The following ATRNL1 variants were observed in gnomAD, a reference collection of about 807,000 sequenced individuals.
The protein encoded by ATRNL1 is attractin-like protein 1.
In ATRNL1, 95 loss-of-function variants were observed where a neutral mutation model predicts 182.7. That is an observed-to-expected ratio of 0.52 (90% confidence interval 0.44 to 0.62). ATRNL1 has a LOEUF of 0.62. ATRNL1 is among the 20% of genes least tolerant of loss of function. ATRNL1 has a pLI of 0.00. For synonymous variants in ATRNL1, 576 were observed against 568.3 expected (o/e 1.01, Z -0.19); for missense variants, 1,471 against 1,679.5 (o/e 0.88, Z 2.17).
chr10:115,695,903 C>CT lies in ATRNL1; in HGVS notation c.3796-31332dup, dbSNP rs782085382. On this transcript the variant is annotated intron_variant, in intron 26 of 28. Transcript: ENST00000355044. ...CCATGGTGTATATGTACAACATTTTCTTTTTTTTTTTTTGAGATGGAGTCT... is the reference window on the plus strand; with the variant it reads ...CCATGGTGTATATGTACAACATTTTCTTTTTTTTTTTTTTGAGATGGAGTCT... 6.6e-3 allele frequency among the ~76,000 whole-genome samples: 945 copies of CT among 143,136 alleles called. 5 individuals are homozygous for CT. Among genetic ancestry groups the CT allele is most frequent in the South Asian group, 0.019 (87 of 4,492 alleles). The allele number at this position is 143,136 out of a possible 152,430, so 93.9% of individuals were successfully genotyped here. A position where few individuals can be genotyped will look rare whatever the true frequency, so the allele number is the denominator to read the frequency against.
intron 26 of ATRNL1, among the ~76,000 whole-genome samples, chr10:115,604,480 G>C (rs1344091254): frequency 6.6e-6 from 1 of 152,136 alleles, no homozygotes; most frequent in Non-Finnish European, 1.5e-5. Context: ...CAAGTCACCA[G>C]TTTTTGGTAA....
Position 115,734,326 on chromosome 10 carries a change from A to G in ATRNL1, c.3903+6971A>G, listed in dbSNP as rs185514706. 1.2e-3 allele frequency among the ~76,000 whole-genome samples: 180 copies of G among 152,278 alleles called. 1 individual carries two copies. Among genetic ancestry groups the G allele is most frequent in the African/African-American group, 4.1e-3 (171 of 41,580 alleles). On this transcript the variant is annotated intron_variant, in intron 27 of 28. Transcript: ENST00000355044. Reference sequence around the variant, plus strand: ...TTTCTATTTTCATGCATCCTTGTCAAAAATGATTGTTGGTGTTTTTGCAAC... The same window carrying G: ...TTTCTATTTTCATGCATCCTTGTCAGAAATGATTGTTGGTGTTTTTGCAAC...
chr10:115,596,769 T>C (rs1037041534), intron 26 of ATRNL1, among the ~76,000 whole-genome samples: 8 of 152,192 alleles, frequency 5.3e-5, no homozygotes, highest in Admixed American at 1.3e-4. Flanking sequence ...TAAGGTAATA[T>C]GAGAGTATTA....
intron 26 of ATRNL1, among the ~76,000 whole-genome samples, chr10:115,561,684 T>TGTGTGG (rs1318140087): frequency 5.1e-5 from 5 of 97,908 alleles, no homozygotes; most frequent in African/African-American, 1.5e-4. Flanking sequence ...TGTGTGTGTG[T>TGTGTGG]GTGTGGGTGT....
intron 27 of ATRNL1, among the ~76,000 whole-genome samples, chr10:115,807,845 C>T (rs1442041489): frequency 2.6e-5 from 4 of 152,112 alleles, no homozygotes; most frequent in African/African-American, 9.7e-5. Flanking sequence ...GAAATAGCTT[C>T]TTGTTCTTTA....
intron 26 of ATRNL1, among the ~76,000 whole-genome samples, chr10:115,678,803 T>C (rs1387780959): frequency 6.6e-6 from 1 of 152,136 alleles, no homozygotes; most frequent in Non-Finnish European, 1.5e-5. Flanking sequence ...TCCTATCCAG[T>C]CACTGCAGCT....
At chr10:115,378,590 C>T (rs1857808786) in intron 19 of ATRNL1, among the ~76,000 whole-genome samples, 1 of 152,098 alleles carries the variant, frequency 6.6e-6, no homozygotes, top group Non-Finnish European at 1.5e-5. Flanking sequence ...CCAGCAGTTC[C>T]CTGTGTGTGT....
chr10:115,534,958 A>C (rs573618885), intron 25 of ATRNL1, among the ~76,000 whole-genome samples: 1 of 152,154 alleles, frequency 6.6e-6, no homozygotes, highest in African/African-American at 2.4e-5. Flanking sequence ...TGGCTTGTAG[A>C]GTTTCTGCTG....
At position 115,278,924 on chromosome 10, in the gene ATRNL1, C is replaced by T. The variant is rs117398204; in HGVS notation, c.2101-2431C>T. 8.7e-4 allele frequency among the ~76,000 whole-genome samples: 132 copies of T among 151,970 alleles called. 2 individuals carry two copies. In the East Asian group the frequency reaches 0.024, roughly 28 times the overall value. On this transcript the variant is annotated intron_variant, in intron 13 of 28. Coordinates refer to ENST00000355044, the MANE Select transcript of ATRNL1 (RefSeq NM_207303.4). ...TGAACATATAAGACTTGAGAGGGGC[C>T]GGGCACAGTGGCATACACCTGTAAT...
intron 15 of ATRNL1, among the ~76,000 whole-genome samples, chr10:115,292,709 G>A (rs1424091085): frequency 6.6e-6 from 1 of 151,770 alleles, no homozygotes; most frequent in Non-Finnish European, 1.5e-5. Flanking sequence ...TTATTCCATT[G>A]TGGTCATGTA....
intron 27 of ATRNL1, among the ~76,000 whole-genome samples, chr10:115,728,090 A>G (rs1947658496): frequency 6.9e-6 from 1 of 144,442 alleles, no homozygotes; most frequent in Non-Finnish European, 1.5e-5. Flanking sequence ...CCTGGCTAAC[A>G]TGGTGAAACC....
intron 11 of ATRNL1, among the ~76,000 whole-genome samples, 167 bp from the exon 12 acceptor site, chr10:115,266,630 T>G (rs1851619838): frequency 1.3e-5 from 2 of 151,898 alleles, no homozygotes; most frequent in South Asian, 4.1e-4. Context: ...TCTGGTGTTT[T>G]TATATCATAT....
chr10:115,946,919 G>A lies in ATRNL1; in HGVS notation c.*2140G>A, dbSNP rs1159474779. 6.6e-6 allele frequency: 1 copy of A among 152,186 alleles called. No homozygotes were observed. The highest frequency in any genetic ancestry group is 2.4e-5 in the African/African-American group (1 of 41,418). The allele number at this position is 152,186 out of a possible 1,614,324, so 9.4% of individuals were successfully genotyped here. The stretch of plus-strand genomic sequence containing the variant: ...AAAATCTATATAAGCTATATTTTTA[G>A]GGAGGCTAAGCAGATAGTATTACTG... On this transcript the variant is annotated 3_prime_UTR_variant, in exon 29 of 29. Coordinates refer to ENST00000355044, the MANE Select transcript of ATRNL1 (RefSeq NM_207303.4).
At chr10:115,536,581 C>T (rs1178816695) in intron 25 of ATRNL1, among the ~76,000 whole-genome samples, 6 of 152,210 alleles carry the variant, frequency 3.9e-5, no homozygotes, top group African/African-American at 7.2e-5. Flanking sequence ...GGCAATGCCT[C>T]GCCCTGCTTC....
At chr10:115,430,184 C>T (rs914837752) in intron 21 of ATRNL1, among the ~76,000 whole-genome samples, 1 of 152,144 alleles carries the variant, frequency 6.6e-6, no homozygotes, top group African/African-American at 2.4e-5. Flanking sequence ...ATAGTTAAAA[C>T]TTTAAATAAA....
chr10:115,407,276 T>C (rs527441065), intron 20 of ATRNL1, among the ~76,000 whole-genome samples: 28 of 152,272 alleles, frequency 1.8e-4, no homozygotes, highest in Non-Finnish European at 2.9e-4. Context: ...ATATAATGTA[T>C]TATTGTTAAC....
intron 19 of ATRNL1, among the ~76,000 whole-genome samples, chr10:115,377,425 G>A (rs1346096388): frequency 6.6e-5 from 10 of 152,160 alleles, no homozygotes; most frequent in South Asian, 4.1e-4. Context: ...ATTCTTCTTC[G>A]CAGTCTTGGG....
chr10:115,290,528 C>T (rs887330809), intron 15 of ATRNL1, among the ~76,000 whole-genome samples: 105 of 152,110 alleles, frequency 6.9e-4, no homozygotes, highest in Non-Finnish European at 1.0e-3. Flanking sequence ...TGGTGGCGGG[C>T]GCCTGTAATC....
chr10:115,145,860 G>C (rs1474890875), intron 5 of ATRNL1, among the ~76,000 whole-genome samples: 1 of 152,044 alleles, frequency 6.6e-6, no homozygotes, highest in Non-Finnish European at 1.5e-5. Flanking sequence ...GCATAGTCTT[G>C]CTGGGATGAA....
Sources: allele counts gnomAD v4.1 joint callset (sites outside exome capture counted in the v4.1 genomes callset), GRCh38; gene constraint gnomAD v4.1.1; transcripts MANE v1.5; gene names NCBI Gene and HGNC (gene_info 2026-07-23, HGNC 2026-07-21).